Variants in LRP1B observed in about 807,000 individuals in gnomAD.
LRP1B encodes the protein low-density lipoprotein receptor-related protein 1B.
In LRP1B, 217 loss-of-function variants were observed where a neutral mutation model predicts 556.6. That is an observed-to-expected ratio of 0.39 (90% CI 0.35 to 0.44). LRP1B has a LOEUF of 0.44. LRP1B is among the 20% of genes least tolerant of loss of function. The probability of loss-of-function intolerance (pLI) is 1.00; values close to 1 mark genes in which losing one functional copy is unlikely to be tolerated. For synonymous variants in LRP1B, 2,047 were observed against 1,865.8 expected (o/e 1.10, Z -2.50); for missense variants, 5,053 against 5,620.8 (o/e 0.90, Z 3.23).
intron 11 of LRP1B, among the ~76,000 whole-genome samples, chr2:141,041,354 C>G (rs767715690): frequency 6.6e-6 from 1 of 152,064 alleles, no homozygotes; most frequent in Non-Finnish European, 1.5e-5. Context: ...GGACTGGTTT[C>G]ACCGGGCTAA....
intron 35 of LRP1B, among the ~76,000 whole-genome samples, chr2:140,729,516 G>C (rs1446697433): frequency 6.6e-6 from 1 of 152,022 alleles, no homozygotes; most frequent in Non-Finnish European, 1.5e-5. Context: ...AATGTGCTAT[G>C]CTTGGACTTT....
chr2:140,417,436 A>G (rs1443366831), intron 66 of LRP1B, among the ~76,000 whole-genome samples: 6 of 152,216 alleles, frequency 3.9e-5, no homozygotes, highest in Non-Finnish European at 7.3e-5. Context: ...AAGAAGATTA[A>G]TGAATCACTA....
rs188914279 is a variant in LRP1B at position 141,139,120 on chromosome 2, G to A, written c.1013+49301C>T. The stretch of plus-strand genomic sequence containing the variant: ...GAAACAATAGTTTTTTCAACAAATG[G>A]TGCTGGAAAAATTAGACATCTATAT... On this transcript the variant is annotated intron_variant, in intron 7 of 90. Coordinates refer to ENST00000389484, the MANE Select transcript of LRP1B (RefSeq NM_018557.3). Among the ~76,000 whole-genome samples the A allele has an allele frequency of 1.3e-3, 201 of 151,848 alleles. 1 individual carries two copies. Among genetic ancestry groups the A allele is most frequent in the African/African-American group, 4.1e-3 (169 of 41,498 alleles).
chr2:140,579,971 A>C (rs965541507), intron 43 of LRP1B, among the ~76,000 whole-genome samples: 1 of 152,214 alleles, frequency 6.6e-6, no homozygotes, highest in Admixed American at 6.5e-5. Flanking sequence ...TATCCTATAT[A>C]TGCAAATGGA....
intron 1 of LRP1B, among the ~76,000 whole-genome samples, chr2:141,959,803 C>G (rs1158267681): frequency 6.6e-6 from 1 of 151,794 alleles, no homozygotes; most frequent in East Asian, 1.9e-4. Context: ...GGCAATATTT[C>G]AAATGTTTAA....
At chr2:141,335,288 A>G (rs2105503441) in intron 3 of LRP1B, among the ~76,000 whole-genome samples, 1 of 152,348 alleles carries the variant, frequency 6.6e-6, no homozygotes, top group South Asian at 2.1e-4. Flanking sequence ...ATACTGTTAC[A>G]TGAGAAAAAA....
intron 57 of LRP1B, among the ~76,000 whole-genome samples, chr2:140,488,529 G>A (rs1280614743): frequency 6.6e-6 from 1 of 151,926 alleles, no homozygotes; most frequent in Non-Finnish European, 1.5e-5. Context: ...CATTTGATTC[G>A]ATTTGAGGAC....
chr2:140,501,121 C>T (rs1228972584), intron 55 of LRP1B, among the ~76,000 whole-genome samples: 5 of 151,848 alleles, frequency 3.3e-5, no homozygotes, highest in Non-Finnish European at 5.9e-5. Context: ...ATTCTGTCAG[C>T]GAATCACCCT....
rs35442704 is a variant in LRP1B at position 141,961,027 on chromosome 2, A to C, written c.83-150626T>G. 6.4e-3 allele frequency among the ~76,000 whole-genome samples: 966 copies of C among 151,884 alleles called. 7 individuals carry two copies. The highest frequency in any genetic ancestry group is 0.01 in the Non-Finnish European group (705 of 67,798). On this transcript the variant is annotated intron_variant, in intron 1 of 90. Coordinates refer to ENST00000389484, the MANE Select transcript of LRP1B (RefSeq NM_018557.3). The stretch of plus-strand genomic sequence containing the variant: ...TGAAGTGAAAATATGATTAACTATA[A>C]ATACTAAAGTACCATAATTTAAATT...
At chr2:140,877,637 C>T (rs1357982898) in intron 25 of LRP1B, among the ~76,000 whole-genome samples, 1 of 152,160 alleles carries the variant, frequency 6.6e-6, no homozygotes, top group Non-Finnish European at 1.5e-5. Flanking sequence ...CATTTGCCTT[C>T]TTTACAGAGG....
intron 77 of LRP1B, among the ~76,000 whole-genome samples, chr2:140,338,313 A>C (rs1681202397): frequency 6.6e-6 from 1 of 151,768 alleles, no homozygotes; most frequent in African/African-American, 2.4e-5. Flanking sequence ...AGATGTTACC[A>C]GGTGTTCATC....
At chr2:140,333,942 G>T (rs1680943404) in intron 79 of LRP1B, among the ~76,000 whole-genome samples, 1 of 151,652 alleles carries the variant, frequency 6.6e-6, no homozygotes, top group Admixed American at 6.6e-5. Context: ...AGCTTAGATG[G>T]CAAGGTGGCC....
intron 2 of LRP1B, among the ~76,000 whole-genome samples, chr2:141,610,908 T>G (rs528444443): frequency 6.6e-6 from 1 of 152,296 alleles, no homozygotes; most frequent in East Asian, 1.9e-4. Flanking sequence ...TTGTACTGGA[T>G]TGAATTTGAT....
intron 1 of LRP1B, among the ~76,000 whole-genome samples, chr2:141,822,116 C>CAGAGAG (rs1178777835): frequency 1.1e-3 from 116 of 102,234 alleles, no homozygotes; most frequent in South Asian, 0.011. Context: ...CACACACACA[C>CAGAGAG]ACACACACAC....
intron 3 of LRP1B, among the ~76,000 whole-genome samples, chr2:141,304,721 G>C (rs539433223): frequency 9.9e-5 from 15 of 151,412 alleles, no homozygotes; most frequent in African/African-American, 3.2e-4. Context: ...GTCTGGTCTC[G>C]AACTCCTGAC....
intron 2 of LRP1B, among the ~76,000 whole-genome samples, chr2:141,624,036 C>CAAATAAAAA (rs1688609094): frequency 1.1e-5 from 1 of 90,760 alleles, no homozygotes; most frequent in Admixed American, 1.5e-4. Context: ...AAAAATTAAA[C>CAAATAAAAA]AAAAAAAAAA....
At chr2:141,920,846 G>C (rs1160950666) in intron 1 of LRP1B, among the ~76,000 whole-genome samples, 1 of 151,934 alleles carries the variant, frequency 6.6e-6, no homozygotes. Flanking sequence ...ATTTATTCCA[G>C]TAATATAAGT....
chr2:141,798,833 C>A (rs1695910019), intron 2 of LRP1B, among the ~76,000 whole-genome samples: 1 of 151,400 alleles, frequency 6.6e-6, no homozygotes, highest in Non-Finnish European at 1.5e-5. Context: ...CAGAATGTGG[C>A]TGTATTTCAA....
At chr2:141,400,490 G>A (rs1690410615) in intron 3 of LRP1B, among the ~76,000 whole-genome samples, 2 of 152,162 alleles carry the variant, frequency 1.3e-5, no homozygotes, top group South Asian at 4.1e-4. Flanking sequence ...AGGAATTATA[G>A]TAGTGGCTAT....
Sources: gnomAD v4.1 joint callset for allele counts (sites outside exome capture counted in the v4.1 genomes callset) on GRCh38, gnomAD v4.1.1 for gene constraint, MANE v1.5 for transcripts, NCBI Gene and HGNC (gene_info 2026-07-23, HGNC 2026-07-21) for gene names.